The following AUTS2 variants were observed in gnomAD, a reference collection of about 807,000 sequenced individuals.
The protein encoded by AUTS2 is autism susceptibility gene 2 protein.
AUTS2 carries 17 observed loss-of-function variants against 112.4 expected under a neutral mutation model. The ratio of observed to expected loss-of-function variants is 0.15; its 90% CI spans 0.10 to 0.23. The LOEUF is 0.23. Among genes scored for constraint, AUTS2 ranks in the 10% least tolerant of loss-of-function variants. The pLI is 1.00. For missense variants in AUTS2, 1,510 were observed against 1,701.6 expected, an observed-to-expected ratio of 0.89 and a Z score of 1.98; for synonymous variants, 751 against 702.7, an observed-to-expected ratio of 1.07 and a Z score of -1.09.
At chr7:70,214,968 G>C (rs1811097987) in intron 4 of AUTS2, among the ~76,000 whole-genome samples, 1 of 152,152 alleles carries the variant, frequency 6.6e-6, no homozygotes, top group South Asian at 2.1e-4. Flanking sequence ...TGCAAGCTCA[G>C]GGGTTTATGG....
intron 2 of AUTS2, among the ~76,000 whole-genome samples, chr7:70,111,849 G>T (rs574839197): frequency 2.6e-5 from 4 of 152,008 alleles, no homozygotes; most frequent in Non-Finnish European, 5.9e-5. Context: ...AAATTTATCT[G>T]TTTTTTATTT....
intron 4 of AUTS2, among the ~76,000 whole-genome samples, chr7:70,228,091 G>T (rs981884526): frequency 1.3e-5 from 2 of 151,312 alleles, no homozygotes; most frequent in African/African-American, 4.9e-5. Context: ...CTGTTTCGGG[G>T]TTTGTAGTTA....
chr7:70,644,276 T>C (rs1202325904), intron 5 of AUTS2, among the ~76,000 whole-genome samples: 1 of 152,182 alleles, frequency 6.6e-6, no homozygotes, highest in Non-Finnish European at 1.5e-5. Context: ...TTATAAATGG[T>C]TGAAGGGACG....
chr7:70,558,363 T>C (rs1434575254), intron 5 of AUTS2, among the ~76,000 whole-genome samples: 1 of 152,134 alleles, frequency 6.6e-6, no homozygotes, highest in African/African-American at 2.4e-5. Flanking sequence ...CTCTTCTCTC[T>C]CTCTGTGTAC....
intron 5 of AUTS2, among the ~76,000 whole-genome samples, chr7:70,537,656 A>C (rs761919533): frequency 4.6e-5 from 7 of 152,194 alleles, no homozygotes; most frequent in Non-Finnish European, 8.8e-5. Context: ...TTAAGTGAGA[A>C]GTAGCGTGTG....
chr7:69,801,548 A>G (rs1489347137), intron 1 of AUTS2, among the ~76,000 whole-genome samples: 2 of 151,350 alleles, frequency 1.3e-5, no homozygotes, highest in African/African-American at 2.4e-5. Context: ...TGGTGTATAT[A>G]TACATAAATA....
chr7:69,686,815 T>C (rs970585432), intron 1 of AUTS2, among the ~76,000 whole-genome samples: 2 of 152,210 alleles, frequency 1.3e-5, no homozygotes. Context: ...ATTTTCAGCT[T>C]TTTTGGTCTT....
chr7:69,698,371 A>G (rs1433635929), intron 1 of AUTS2, among the ~76,000 whole-genome samples: 1 of 152,070 alleles, frequency 6.6e-6, no homozygotes, highest in African/African-American at 2.4e-5. Flanking sequence ...CTACTTATTG[A>G]TCTAGTAGAA....
intron 2 of AUTS2, among the ~76,000 whole-genome samples, chr7:70,117,685 G>A (rs1474661899): frequency 6.6e-6 from 1 of 151,632 alleles, no homozygotes; most frequent in Non-Finnish European, 1.5e-5. Flanking sequence ...TTCTATGGCA[G>A]CTTGCCTGGC....
intron 2 of AUTS2, among the ~76,000 whole-genome samples, chr7:70,108,407 A>T (rs572027086): frequency 6.6e-6 from 1 of 152,172 alleles, no homozygotes; most frequent in African/African-American, 2.4e-5. Context: ...AAAACTTGTT[A>T]ATATGGCAAT....
At chr7:69,953,831 C>CT (rs1797118037) in intron 2 of AUTS2, among the ~76,000 whole-genome samples, 1 of 152,174 alleles carries the variant, frequency 6.6e-6, no homozygotes, top group Non-Finnish European at 1.5e-5. Context: ...CCCCCAACTA[C>CT]TTTCAGCTGG....
intron 1 of AUTS2, among the ~76,000 whole-genome samples, chr7:69,881,270 T>G (rs1794030192): frequency 6.6e-6 from 1 of 152,210 alleles, no homozygotes; most frequent in African/African-American, 2.4e-5. Flanking sequence ...GAGAGTTTTT[T>G]TCCTCTCCTT....
chr7:70,354,637 G>A (rs185745729), intron 4 of AUTS2, among the ~76,000 whole-genome samples: 1 of 152,290 alleles, frequency 6.6e-6, no homozygotes, highest in East Asian at 1.9e-4. Flanking sequence ...CTGCAGAGCT[G>A]CACTGTCCCA....
intron 5 of AUTS2, among the ~76,000 whole-genome samples, chr7:70,665,878 A>G (rs1807321870): frequency 6.6e-6 from 1 of 152,182 alleles, no homozygotes; most frequent in Non-Finnish European, 1.5e-5. Context: ...TTCTTCACAT[A>G]TACCAAGGGA....
chr7:70,636,586 A>C (rs1260049099), intron 5 of AUTS2, among the ~76,000 whole-genome samples: 1 of 152,194 alleles, frequency 6.6e-6, no homozygotes, highest in African/African-American at 2.4e-5. Context: ...AAGTGGGAAT[A>C]ATCATACATC....
At chr7:69,640,404 T>C (rs1182653484) in intron 1 of AUTS2, among the ~76,000 whole-genome samples, 1 of 152,218 alleles carries the variant, frequency 6.6e-6, no homozygotes, top group Non-Finnish European at 1.5e-5. Flanking sequence ...TCAGTAAACA[T>C]TGGTTGCATT....
At chr7:70,716,999 T>A (rs956828033) in intron 6 of AUTS2, among the ~76,000 whole-genome samples, 24 of 59,556 alleles carry the variant, frequency 4.0e-4, no homozygotes, top group South Asian at 3.6e-3. Flanking sequence ...GAGTTATTTT[T>A]TTTTTTTTTT....
intron 4 of AUTS2, among the ~76,000 whole-genome samples, chr7:70,190,584 A>G (rs1584857601): frequency 6.6e-6 from 1 of 152,320 alleles, no homozygotes; most frequent in East Asian, 1.9e-4. Flanking sequence ...AGGATTAACT[A>G]TCATTAGACA....
chr7:70,617,724 G>A (rs754955633), intron 5 of AUTS2, among the ~76,000 whole-genome samples: 1 of 151,982 alleles, frequency 6.6e-6, no homozygotes, highest in East Asian at 1.9e-4. Flanking sequence ...AGAGGAGGAA[G>A]GGGAGAGTTG....
Sources: gnomAD v4.1 joint callset for allele counts (sites outside exome capture counted in the v4.1 genomes callset) on GRCh38, gnomAD v4.1.1 for gene constraint, MANE v1.5 for transcripts, NCBI Gene and HGNC (gene_info 2026-07-23, HGNC 2026-07-21) for gene names.